The following TXNDC8 variants were observed in gnomAD, a reference collection of about 807,000 sequenced individuals.
TXNDC8 encodes the protein thioredoxin domain containing 8, also known as thioredoxin domain-containing protein 8.
Under a neutral mutation model 12.9 loss-of-function variants are expected in TXNDC8, and 15 were observed. The observed-to-expected ratio is 1.16, with a 90% CI of 0.78 to 1.79. The LOEUF (loss-of-function observed/expected upper bound fraction) is 1.79, where lower values mean the gene tolerates loss of function less well. TXNDC8 is among the 40% of genes most tolerant of loss of function. The pLI, the probability that TXNDC8 is intolerant of heterozygous loss-of-function variation, is 0.00. For missense variants in TXNDC8, 128 were observed against 113.2 expected (o/e 1.13, Z -0.59); for synonymous variants, 40 against 35.4 (o/e 1.13, Z -0.46).
At chr9:110,332,330 A>G (rs1051264430) in intron 2 of TXNDC8, among the ~76,000 whole-genome samples, 2 of 152,232 alleles carry the variant, frequency 1.3e-5, no homozygotes, top group African/African-American at 4.8e-5. Flanking sequence ...TGCTGAGATT[A>G]CAGGCATCAG....
chr9:110,305,797 CT>C (rs1203770160), intron 3 of TXNDC8, among the ~76,000 whole-genome samples: 6 of 86,774 alleles, frequency 6.9e-5, no homozygotes, highest in East Asian at 4.3e-4. Context: ...TCTTTCTTTT[CT>C]TTTCTTTTCT....
intron 2 of TXNDC8, among the ~76,000 whole-genome samples, chr9:110,327,080 A>G (rs1430758037): frequency 6.6e-6 from 1 of 152,190 alleles, no homozygotes; most frequent in African/African-American, 2.4e-5. Flanking sequence ...TTCAAAGACA[A>G]TGAGCTCTAA....
chr9:110,328,221 A>T (rs1839408818), intron 2 of TXNDC8, among the ~76,000 whole-genome samples: 1 of 152,238 alleles, frequency 6.6e-6, no homozygotes, highest in Non-Finnish European at 1.5e-5. Context: ...GCATTCTAAC[A>T]TGTGGATAGA....
intron 3 of TXNDC8, among the ~76,000 whole-genome samples, chr9:110,315,427 T>C (rs1239992592): frequency 2.0e-5 from 3 of 151,880 alleles, no homozygotes. Context: ...GCCAAAGACA[T>C]TGAATCACCT....
rs144140456 is a variant in TXNDC8 at position 110,328,425 on chromosome 9, C to CA, written c.130-2186dup. Among the ~76,000 whole-genome samples the CA allele has an allele frequency of 9.3e-3, 1,418 of 151,960 alleles. 19 individuals carry two copies. The highest frequency in any genetic ancestry group is 0.033 in the African/African-American group (1,350 of 41,448). On this transcript the variant is annotated intron_variant, in intron 2 of 4. Transcript: ENST00000423740. ...TTTCTGGGAATTTCTTATGATGCTT[C>CA]AAAAAAACACACAAAAAGCGTAAGA...
At chr9:110,323,313 C>G in intron 3 of TXNDC8, 2 of 985,314 alleles carry the variant, frequency 2.0e-6, no homozygotes, top group South Asian at 9.4e-5. Context: ...TAACAGGAGA[C>G]AAGCCAGAGG....
chr9:110,304,398 T>TA, intron 4 of TXNDC8, 69 bp downstream of exon 5: 1 of 1,398,482 alleles, frequency 7.2e-7, no homozygotes, highest in Non-Finnish European at 1.0e-6. Context: ...TGCCTGAGTG[T>TA]GTCATTATAT....
chr9:110,308,316 C>A (rs1207600766), intron 3 of TXNDC8, among the ~76,000 whole-genome samples: 2 of 152,202 alleles, frequency 1.3e-5, no homozygotes, highest in African/African-American at 2.4e-5. Context: ...TTGCTCCCAA[C>A]AAGGGAGACA....
chr9:110,313,469 C>T (rs554734318), intron 3 of TXNDC8, among the ~76,000 whole-genome samples: 28 of 152,114 alleles, frequency 1.8e-4, no homozygotes, highest in Admixed American at 5.9e-4. Flanking sequence ...GGGAGGCTGA[C>T]GTGGGCAGAT....
intron 1 of TXNDC8, among the ~76,000 whole-genome samples, chr9:110,335,690 A>G (rs1248105377): frequency 6.6e-6 from 1 of 152,172 alleles, no homozygotes; most frequent in Non-Finnish European, 1.5e-5. Flanking sequence ...CTTAACCACT[A>G]CAGAAAATCC....
chr9:110,321,633 TGGAG>T (rs1444819610), intron 3 of TXNDC8, among the ~76,000 whole-genome samples: 3 of 151,584 alleles, frequency 2.0e-5, no homozygotes, highest in Non-Finnish European at 4.4e-5. Flanking sequence ...AGCACATTTA[TGGAG>T]GTAGTCCTCA....
rs1477328332 is a variant in TXNDC8, at chr9:110,336,328, CTCTT to C, written c.24+1441_24+1444del. On this transcript the variant is annotated intron_variant, in intron 1 of 4. Transcript: ENST00000423740. The stretch of plus-strand genomic sequence containing the variant: ...AGTGATGACTCAAAGAAGATGCACT[CTCTT>C]TCTTTATCAATATTCCTCTGGGAGG... Among the ~76,000 whole-genome samples the C allele has an allele frequency of 7.2e-5, 11 of 152,286 alleles. No individual in the cohort carries two copies. The East Asian group carries it at 1.5e-3, about 21-fold the overall frequency.
chr9:110,313,755 A>G (rs184433239), intron 3 of TXNDC8, among the ~76,000 whole-genome samples: 88 of 152,124 alleles, frequency 5.8e-4, no homozygotes, highest in African/African-American at 2.1e-3. Context: ...GCCTATACAG[A>G]TTTTCCAGGA....
chr9:110,316,026 T>C (rs1296415712), intron 3 of TXNDC8, among the ~76,000 whole-genome samples: 1 of 151,506 alleles, frequency 6.6e-6, no homozygotes, highest in African/African-American at 2.4e-5. Flanking sequence ...CACTCCTGAG[T>C]AGCTGGGATT....
intron 3 of TXNDC8, chr9:110,323,656 A>G (rs892644114): frequency 1.3e-5 from 6 of 450,378 alleles, no homozygotes; most frequent in African/African-American, 8.1e-5. Flanking sequence ...AGAGAAACCA[A>G]CCCAGAGTTT....
chr9:110,301,641 A>G (rs1587941530), downstream of TXNDC8, among the ~76,000 whole-genome samples: 1 of 152,270 alleles, frequency 6.6e-6, no homozygotes, highest in Non-Finnish European at 1.5e-5. Flanking sequence ...ATACATGCTT[A>G]GGAGTTATTG....
chr9:110,328,245 C>T (rs916036708), intron 2 of TXNDC8, among the ~76,000 whole-genome samples: 1 of 152,054 alleles, frequency 6.6e-6, no homozygotes, highest in African/African-American at 2.4e-5. Flanking sequence ...CCTGTTGGTA[C>T]CTCTCATCAT....
intron 3 of TXNDC8, among the ~76,000 whole-genome samples, chr9:110,319,936 C>G (rs1477791051): frequency 6.6e-6 from 1 of 152,210 alleles, no homozygotes; most frequent in Non-Finnish European, 1.5e-5. Flanking sequence ...CAAGCTTCCT[C>G]CCACTTTATG....
intron 3 of TXNDC8, 83 bp from the exon 5 acceptor site, chr9:110,304,615 T>A: frequency 2.3e-6 from 3 of 1,308,200 alleles, no homozygotes; most frequent in Non-Finnish European, 3.2e-6. Flanking sequence ...CTTTTGGCCT[T>A]GGCCAGGGAA....
Sources: allele counts gnomAD v4.1 joint callset (sites outside exome capture counted in the v4.1 genomes callset), GRCh38; gene constraint gnomAD v4.1.1; transcripts MANE v1.5; gene names NCBI Gene and HGNC (gene_info 2026-07-23, HGNC 2026-07-21).